The following CCNJL variants were observed in gnomAD, a reference collection of about 807,000 sequenced individuals.
CCNJL encodes the protein cyclin J like.
Under a neutral mutation model 33.4 loss-of-function variants are expected in CCNJL, and 33 were observed. The ratio of observed to expected loss-of-function variants is 0.99; its 90% CI spans 0.75 to 1.32. The LOEUF is 1.32. CCNJL is among the 40% of genes most tolerant of loss of function. CCNJL has a pLI of 0.00. For synonymous variants in CCNJL, 227 were observed against 220.9 expected, an observed-to-expected ratio of 1.03 and a Z score of -0.24; for missense variants, 512 against 499.7, an observed-to-expected ratio of 1.02 and a Z score of -0.23.
At chr5:160,290,064 G>A (rs1762532969) in intron 2 of CCNJL, among the ~76,000 whole-genome samples, 1 of 152,214 alleles carries the variant, frequency 6.6e-6, no homozygotes. Context: ...TAACCTCGGA[G>A]GGGTTAGAAG....
chr5:160,331,390 A>C (rs1451654312), intron 1 of CCNJL, among the ~76,000 whole-genome samples: 1 of 151,312 alleles, frequency 6.6e-6, no homozygotes, highest in African/African-American at 2.4e-5. Flanking sequence ...CGCCCGGCTA[A>C]TTTTTTTGTA....
chr5:160,286,637 CAAAAAAAAAGCAAA>C (rs1294153614), intron 2 of CCNJL, among the ~76,000 whole-genome samples: 1 of 147,126 alleles, frequency 6.8e-6, no homozygotes, highest in Non-Finnish European at 1.5e-5. Context: ...GACTCTGTCT[CAAAAAAAAAGCAAA>C]GAAAAGAAAA....
intron 2 of CCNJL, among the ~76,000 whole-genome samples, chr5:160,299,840 T>C (rs1404616440): frequency 6.6e-6 from 1 of 151,994 alleles, no homozygotes; most frequent in Admixed American, 6.6e-5. Context: ...GCTTGGATTT[T>C]TTTTTTTTTT....
Position 160,255,545 on chromosome 5 carries a change from T to C in CCNJL, c.743+4A>G. The C allele has an allele frequency of 2.5e-6, 4 of 1,613,786 alleles. No homozygotes were observed. Among genetic ancestry groups the C allele is most frequent in the East Asian group, 4.5e-5 (2 of 44,862 alleles). ...GAAACACAGGATTCAGGGGAGAAACTTACACCAGCAGGATTTCAATACACG... is the reference window on the plus strand; with the variant it reads ...GAAACACAGGATTCAGGGGAGAAACCTACACCAGCAGGATTTCAATACACG... On this transcript the variant is annotated splice_donor_region_variant and intron_variant, in intron 5 of 5. Coordinates refer to ENST00000257536, the MANE Select transcript of CCNJL (RefSeq NM_001308173.3).
rs1554120708 is a variant in CCNJL, at chr5:160,282,966, A to AATATATATATACAT, written c.67-2229_67-2228insATGTATATATATAT. On this transcript the variant is annotated intron_variant, in intron 2 of 5. Coordinates refer to ENST00000257536, the MANE Select transcript of CCNJL (RefSeq NM_001308173.3). ...GTGACCCAGCCATTCCAGTCCTTGG[A>AATATATATATACAT]ATATATATATATATATATATATATA... is the stretch of plus-strand genomic sequence containing the variant. Among the ~76,000 whole-genome samples, 33 of 43,388 alleles carry AATATATATATACAT rather than the reference A, an allele frequency of 7.6e-4. 1 individual carries two copies. Among genetic ancestry groups the AATATATATATACAT allele is most frequent in the Admixed American group, 1.6e-3 (4 of 2,436 alleles). The allele number at this position is 43,388 out of a possible 152,430, so 28.5% of individuals were successfully genotyped here.
At chr5:160,268,100 G>GC in intron 3 of CCNJL, among the ~76,000 whole-genome samples, 1 of 152,312 alleles carries the variant, frequency 6.6e-6, no homozygotes, top group Middle Eastern at 3.4e-3. Flanking sequence ...GTTATTGAAG[G>GC]CAAGAAAGGT....
At chr5:160,307,631 G>A (rs939745045) in intron 2 of CCNJL, among the ~76,000 whole-genome samples, 5 of 152,132 alleles carry the variant, frequency 3.3e-5, no homozygotes, top group Admixed American at 6.5e-5. Context: ...CGCCAGCCTG[G>A]TGACAATCTA....
chr5:160,276,077 A>G (rs1761997710), intron 3 of CCNJL, among the ~76,000 whole-genome samples: 1 of 152,220 alleles, frequency 6.6e-6, no homozygotes, highest in African/African-American at 2.4e-5. Context: ...TGTGGGATAT[A>G]CAATGGAATA....
At chr5:160,297,544 G>A (rs1762785823) in intron 2 of CCNJL, among the ~76,000 whole-genome samples, 1 of 151,286 alleles carries the variant, frequency 6.6e-6, no homozygotes, top group African/African-American at 2.5e-5. Flanking sequence ...GCTGGGTGCA[G>A]TGGTTCACGC....
At chr5:160,282,992 T>TACATATATATATATATAC (rs1561791205) in intron 2 of CCNJL, among the ~76,000 whole-genome samples, 3 of 60,270 alleles carry the variant, frequency 5.0e-5, no homozygotes, top group African/African-American at 2.3e-4. Context: ...TATATATATA[T>TACATATATATATATATAC]ATATATATAT....
intron 3 of CCNJL, among the ~76,000 whole-genome samples, chr5:160,271,012 A>C (rs962742939): frequency 6.6e-6 from 1 of 152,198 alleles, no homozygotes; most frequent in African/African-American, 2.4e-5. Flanking sequence ...TCCTGTCTAG[A>C]CACCACAATG....
rs1366600684 is a variant in CCNJL at position 160,259,641 on chromosome 5, G to A, written c.411C>T (p.Ala137=). The A allele has an allele frequency of 6.2e-7, 1 of 1,614,208 alleles. No homozygotes were observed. Among genetic ancestry groups the A allele is most frequent in the Admixed American group, 1.7e-5 (1 of 60,032 alleles). The change falls in exon 4 of 6, where the codon GCC becomes GCT. Residue 137 remains alanine (A), a synonymous_variant. Coordinates refer to ENST00000257536, the MANE Select transcript of CCNJL (RefSeq NM_001308173.3). ...TGGGCAGGCAGAGGTTCCAGCTGAA[G>A]GCCTCCAGGAGCAGCAGCTCTGTGC... The part of the protein sequence containing the change: ...LLSTELLLLE[A]FSWNLCLPTP...
chr5:160,259,149 G>A (rs933869226), intron 4 of CCNJL, among the ~76,000 whole-genome samples: 32 of 152,180 alleles, frequency 2.1e-4, no homozygotes, highest in African/African-American at 7.7e-4. Context: ...GCCGCTATTT[G>A]AGAATAACCG....
At chr5:160,318,066 G>A (rs1763399420) in intron 1 of CCNJL, among the ~76,000 whole-genome samples, 1 of 151,628 alleles carries the variant, frequency 6.6e-6, no homozygotes, top group Admixed American at 6.6e-5. Flanking sequence ...TGCCAGGCTG[G>A]AGTGCAGTAG....
At chr5:160,315,525 CA>C (rs1350371878), upstream of CCNJL, 2 of 305,142 alleles carry the variant, frequency 6.6e-6, no homozygotes. Context: ...AAAACAAAAA[CA>C]AGAGAAAGAA....
chr5:160,266,715 C>T (rs1272510697), intron 3 of CCNJL, among the ~76,000 whole-genome samples: 3 of 152,160 alleles, frequency 2.0e-5, no homozygotes, highest in African/African-American at 7.2e-5. Context: ...TCTTTGCACT[C>T]CAGACCCGGG....
chr5:160,274,287 C>T (rs1035924765), intron 3 of CCNJL, among the ~76,000 whole-genome samples: 10 of 151,916 alleles, frequency 6.6e-5, no homozygotes, highest in East Asian at 2.0e-4. Flanking sequence ...GGTGAAACCC[C>T]GTTTCTACTA....
At chr5:160,290,531 G>C (rs953643172) in intron 2 of CCNJL, among the ~76,000 whole-genome samples, 1 of 152,150 alleles carries the variant, frequency 6.6e-6, no homozygotes, top group Non-Finnish European at 1.5e-5. Flanking sequence ...GCCTCCCAAA[G>C]TGCTGGGATT....
rs143416340 is a variant in CCNJL, at chr5:160,276,249, C to G, written c.280+4276G>C. On this transcript the variant is annotated intron_variant, in intron 3 of 5. Transcript: ENST00000257536. Reference sequence around the variant, plus strand: ...GCCTCTACTAAGGATACAAAATTAGCCAGGCATAGTGGGACATACCTGTAG... The same window carrying G: ...GCCTCTACTAAGGATACAAAATTAGGCAGGCATAGTGGGACATACCTGTAG... The G allele has an allele frequency of 5.1e-3, 749 of 145,452 alleles. 9 individuals are homozygous for G. The highest frequency in any genetic ancestry group is 0.018 in the African/African-American group (694 of 38,538). 9.0% of individuals were successfully genotyped at this position (145,452 alleles called of 1,614,324 possible). A position where few individuals can be genotyped will look rare whatever the true frequency, so the allele number is the denominator to read the frequency against.
Sources: gnomAD v4.1 joint callset for allele counts (sites outside exome capture counted in the v4.1 genomes callset) on GRCh38, gnomAD v4.1.1 for gene constraint, MANE v1.5 for transcripts, NCBI Gene and HGNC (gene_info 2026-07-23, HGNC 2026-07-21) for gene names.